EGFLAM: variants seen among roughly 807,000 people sequenced by gnomAD.
The protein encoded by EGFLAM is EGF like, fibronectin type III and laminin G domains.
EGFLAM carries 79 observed loss-of-function variants against 113.1 expected under a neutral mutation model. That is an observed-to-expected ratio of 0.70 (90% CI 0.58 to 0.84). The LOEUF (loss-of-function observed/expected upper bound fraction) is 0.84, where lower values mean the gene tolerates loss of function less well. Ranked by LOEUF, EGFLAM falls within the 40% of genes least tolerant of loss-of-function variation. The pLI, the probability that EGFLAM is intolerant of heterozygous loss-of-function variation, is 0.00. For synonymous variants in EGFLAM, 504 were observed against 487.6 expected (o/e 1.03, Z -0.44); for missense variants, 1,265 against 1,291.6 (o/e 0.98, Z 0.32).
chr5:38,330,144 T>A (rs1292420451), intron 1 of EGFLAM, among the ~76,000 whole-genome samples: 1 of 152,182 alleles, frequency 6.6e-6, no homozygotes, highest in Non-Finnish European at 1.5e-5. Flanking sequence ...CTAGATGCCA[T>A]TACTATAATG....
chr5:38,321,403 G>A (rs1738736455), intron 1 of EGFLAM, among the ~76,000 whole-genome samples: 1 of 152,150 alleles, frequency 6.6e-6, no homozygotes, highest in African/African-American at 2.4e-5. Context: ...GCTGTGTGTT[G>A]CCCGGTTCCT....
At chr5:38,449,244 G>T (rs1282295642) in intron 18 of EGFLAM, among the ~76,000 whole-genome samples, 3 of 152,136 alleles carry the variant, frequency 2.0e-5, no homozygotes, top group Non-Finnish European at 4.4e-5. Context: ...TAAGCGAAAG[G>T]CATCCAGTTC....
intron 3 of EGFLAM, among the ~76,000 whole-genome samples, chr5:38,350,069 C>G (rs1739580920): frequency 6.6e-6 from 1 of 152,130 alleles, no homozygotes. Flanking sequence ...AAATTCCAGT[C>G]CCTACTTTCT....
At chr5:38,279,548 G>A (rs1475063268) in intron 1 of EGFLAM, among the ~76,000 whole-genome samples, 1 of 152,170 alleles carries the variant, frequency 6.6e-6, no homozygotes, top group Non-Finnish European at 1.5e-5. Context: ...TAAAAAGAAG[G>A]AAGTCATATC....
chr5:38,316,697 G>A (rs1738604682), intron 1 of EGFLAM, among the ~76,000 whole-genome samples: 1 of 152,112 alleles, frequency 6.6e-6, no homozygotes, highest in Non-Finnish European at 1.5e-5. Context: ...AAGCCCATGT[G>A]CTCACAGCAT....
At chr5:38,412,820 T>C (rs372423857) in intron 11 of EGFLAM, among the ~76,000 whole-genome samples, 172 bp downstream of exon 11, 2 of 152,294 alleles carry the variant, frequency 1.3e-5, no homozygotes, top group African/African-American at 4.8e-5. Flanking sequence ...GATGTGCTAC[T>C]GAGTGGTCTT....
At chr5:38,419,178 C>A (rs1362163165) in intron 12 of EGFLAM, among the ~76,000 whole-genome samples, 1 of 152,086 alleles carries the variant, frequency 6.6e-6, no homozygotes, top group Non-Finnish European at 1.5e-5. Context: ...GGATTAGGTC[C>A]CCACTCTTAT....
intron 1 of EGFLAM, among the ~76,000 whole-genome samples, chr5:38,301,428 A>G (rs1328599555): frequency 1.3e-5 from 2 of 152,162 alleles, no homozygotes; most frequent in African/African-American, 4.8e-5. Context: ...TTTTAGCAGC[A>G]TAGTGAGGGT....
intron 4 of EGFLAM, among the ~76,000 whole-genome samples, chr5:38,351,965 C>T (rs1369736293): frequency 6.6e-6 from 1 of 152,124 alleles, no homozygotes. Context: ...GACCAGCTCT[C>T]ATTGACTCGA....
intron 1 of EGFLAM, among the ~76,000 whole-genome samples, chr5:38,331,808 A>C (rs989050762): frequency 6.6e-6 from 1 of 152,104 alleles, no homozygotes; most frequent in African/African-American, 2.4e-5. Context: ...AAGTACCACA[A>C]TTTATTTATC....
At chr5:38,446,970 G>A (rs568690987) in intron 17 of EGFLAM, among the ~76,000 whole-genome samples, 2 of 152,132 alleles carry the variant, frequency 1.3e-5, no homozygotes, top group Non-Finnish European at 2.9e-5. Context: ...ATGTATTTTC[G>A]TGAAGCTATA....
chr5:38,389,379 ACT>A (rs1349455940), intron 6 of EGFLAM, among the ~76,000 whole-genome samples: 1 of 152,112 alleles, frequency 6.6e-6, no homozygotes, highest in East Asian at 1.9e-4. Flanking sequence ...TAGTTCAGAC[ACT>A]CTCTCTGAAG....
chr5:38,311,920 T>TTA (rs1227538621), intron 1 of EGFLAM, among the ~76,000 whole-genome samples: 2 of 152,150 alleles, frequency 1.3e-5, no homozygotes, highest in Admixed American at 6.5e-5. Flanking sequence ...AGTATGGGAC[T>TTA]TATATATATA....
intron 1 of EGFLAM, among the ~76,000 whole-genome samples, chr5:38,269,019 TA>T (rs1173193841): frequency 1.3e-5 from 2 of 151,952 alleles, no homozygotes; most frequent in East Asian, 3.9e-4. Context: ...TCTACTAAAA[TA>T]CAAAAAATTA....
chr5:38,422,620 G>A (rs1231822951), intron 12 of EGFLAM, among the ~76,000 whole-genome samples: 1 of 152,156 alleles, frequency 6.6e-6, no homozygotes, highest in African/African-American at 2.4e-5. Context: ...AATAATATAT[G>A]TGCTCCTTTA....
chr5:38,425,605 G>A (rs572712734), intron 13 of EGFLAM, among the ~76,000 whole-genome samples: 1 of 152,204 alleles, frequency 6.6e-6, no homozygotes, highest in Non-Finnish European at 1.5e-5. Context: ...TTGGTAATGA[G>A]AACTCACTCA....
Position 38,403,086 on chromosome 5 carries a change from A to T in EGFLAM, c.713-3040A>T, listed in dbSNP as rs544231823. 3.3e-5 allele frequency: 5 copies of T among 152,362 alleles called. No individual in the cohort carries two copies. The East Asian group carries it at 9.6e-4, about 29-fold the overall frequency. The allele number at this position is 152,362 out of a possible 1,614,324, so 9.4% of individuals were successfully genotyped here. On this transcript the variant is annotated intron_variant, in intron 6 of 21. Transcript: ENST00000322350. The stretch of plus-strand genomic sequence containing the variant: ...GGATTTCTTCTTCTGGAATCTAACA[A>T]TTCTGAATATGTGAGAGAGGCAGAG...
chr5:38,438,216 T>C (rs955577029), intron 16 of EGFLAM, 59 bp from the exon 17 acceptor site: 1 of 1,557,582 alleles, frequency 6.4e-7, no homozygotes, highest in Non-Finnish European at 8.7e-7. Context: ...AGGGAAGCTT[T>C]AGAAGACTAC....
At chr5:38,274,796 A>G (rs963313469) in intron 1 of EGFLAM, among the ~76,000 whole-genome samples, 1 of 152,228 alleles carries the variant, frequency 6.6e-6, no homozygotes, top group Non-Finnish European at 1.5e-5. Flanking sequence ...GTACACAGTC[A>G]AATTCAGAAC....
Sources: allele counts gnomAD v4.1 joint callset (sites outside exome capture counted in the v4.1 genomes callset), GRCh38; gene constraint gnomAD v4.1.1; transcripts MANE v1.5; gene names NCBI Gene and HGNC (gene_info 2026-07-23, HGNC 2026-07-21).